Variants in KATNIP observed in about 807,000 individuals in gnomAD.
The protein encoded by KATNIP is katanin interacting protein, also known as katanin-interacting protein.
Under a neutral mutation model 174.0 loss-of-function variants are expected in KATNIP, and 126 were observed. That is an observed-to-expected ratio of 0.72 (90% CI 0.63 to 0.84). The LOEUF is 0.84. Among genes scored for constraint, KATNIP ranks in the 40% least tolerant of loss-of-function variants. The pLI is 0.00. For synonymous variants in KATNIP, 810 were observed against 835.7 expected, an observed-to-expected ratio of 0.97 and a Z score of 0.53; for missense variants, 1,958 against 2,109.7, an observed-to-expected ratio of 0.93 and a Z score of 1.41.
chr16:27,776,862 C>T lies in KATNIP; in HGVS notation c.4450-66C>T. ...GCTCACCCCAGCCCACGCCTGGCAC[C>T]CCCAGCCCAGCCAAGCGCCTCTGTT... is the stretch of plus-strand genomic sequence containing the variant. On this transcript the variant is annotated intron_variant, in intron 24 of 27. Transcript: ENST00000261588. This position sits in a 1 kb window ranked among gnomAD's most constrained non-coding sequence, Gnocchi z 4.7. 4 of 1,217,642 alleles carry T rather than the reference C, an allele frequency of 3.3e-6. No homozygotes were observed. In the Admixed American group the frequency reaches 6.8e-5, roughly 21 times the overall value. 75.4% of individuals were successfully genotyped at this position (1,217,642 alleles called of 1,614,324 possible).
chr16:27,618,285 G>C (rs1261877251), intron 2 of KATNIP, 140 bp from the exon 3 acceptor site: 1 of 633,798 alleles, frequency 1.6e-6, no homozygotes, highest in African/African-American at 1.8e-5. Context: ...GGTCGCTGGA[G>C]CAATGCGCCT....
intron 2 of KATNIP, among the ~76,000 whole-genome samples, chr16:27,578,793 G>A (rs1367364614): frequency 2.0e-5 from 3 of 152,062 alleles, no homozygotes; most frequent in Non-Finnish European, 4.4e-5. Flanking sequence ...AGCCAGTCTG[G>A]CCTCAAACTC....
chr16:27,682,896 A>G (rs1223488960), intron 8 of KATNIP, among the ~76,000 whole-genome samples: 2 of 152,122 alleles, frequency 1.3e-5, no homozygotes, highest in Non-Finnish European at 2.9e-5. Flanking sequence ...TATAGGAAGA[A>G]GAAGAGAGAC....
intron 2 of KATNIP, among the ~76,000 whole-genome samples, chr16:27,617,170 G>A (rs528079160): frequency 6.6e-6 from 1 of 152,222 alleles, no homozygotes; most frequent in South Asian, 2.1e-4. Flanking sequence ...TCTTTTGGCT[G>A]CAAATGACAG....
chr16:27,711,998 C>G (rs889189779), intron 13 of KATNIP, among the ~76,000 whole-genome samples: 1 of 152,194 alleles, frequency 6.6e-6, no homozygotes, highest in Non-Finnish European at 1.5e-5. Context: ...TCCCCTGCCC[C>G]ACTCTTGCAG....
At chr16:27,572,835 C>T (rs761245541) in intron 1 of KATNIP, among the ~76,000 whole-genome samples, 1 of 152,316 alleles carries the variant, frequency 6.6e-6, no homozygotes, top group Middle Eastern at 3.4e-3. Context: ...CCAGTGGCCT[C>T]ATTTCGAAAT....
chr16:27,771,123 G>C (rs575024795), intron 21 of KATNIP, among the ~76,000 whole-genome samples: 58 of 152,316 alleles, frequency 3.8e-4, no homozygotes, highest in Admixed American at 9.1e-4. Flanking sequence ...CGTCCTGGCT[G>C]TCGGCACAGC....
In KATNIP at chr16:27,779,123, C is replaced by T. The variant is rs2082607151; in HGVS notation, c.*494C>T. The stretch of plus-strand genomic sequence containing the variant: ...CTTCAGCGGCCAACACCCCCCATCC[C>T]CTGCGCATCCTTGTCTCATTTGGGG... On this transcript the variant is annotated 3_prime_UTR_variant, in exon 28 of 28. Transcript: ENST00000261588. 1 of 154,250 alleles carries T rather than the reference C, an allele frequency of 6.5e-6. No individual in the cohort carries two copies. Among genetic ancestry groups the T allele is most frequent in the Non-Finnish European group, 1.4e-5 (1 of 69,570 alleles). 9.6% of individuals were successfully genotyped at this position (154,250 alleles called of 1,614,324 possible).
At chr16:27,714,264 T>C (rs1477849143) in intron 13 of KATNIP, among the ~76,000 whole-genome samples, 2 of 152,138 alleles carry the variant, frequency 1.3e-5, no homozygotes, top group Admixed American at 1.3e-4. Context: ...TAAGAAATGA[T>C]CTTGTTTACA....
At chr16:27,720,582 C>T (rs1017462461) in intron 13 of KATNIP, among the ~76,000 whole-genome samples, 14 of 151,600 alleles carry the variant, frequency 9.2e-5, no homozygotes, top group African/African-American at 3.4e-4. Flanking sequence ...GACACAACCC[C>T]TTCCCTTGAG....
In KATNIP at chr16:27,773,195, C is replaced by T. The variant is rs748210388; in HGVS notation, c.4295C>T (p.Pro1432Leu). 6.2e-7 allele frequency: 1 copy of T among 1,608,514 alleles called. No individual in the cohort carries two copies. Among genetic ancestry groups the T allele is most frequent in the African/African-American group, 1.3e-5 (1 of 74,986 alleles). ...TATGACGAGCGAGGAGAAAAAATCC[C>T]CTTGTCGGAAAACAGTATCCTTTGT... ...ELYDERGEKI[P>L]LSENNIAAFP... Residue 1432 changes from proline (P) to leucine (L), a missense_variant, in exon 23 of 28, where the codon CCC (proline) becomes CTC (leucine). By Grantham distance (98) the Pro-to-Leu change is moderately conservative. This residue lies in a region of KATNIP where 383 missense variants were observed against 456.0 expected (regional missense o/e 0.84). Transcript: ENST00000261588.
intron 2 of KATNIP, among the ~76,000 whole-genome samples, chr16:27,608,458 G>A (rs1329254755): frequency 6.9e-6 from 1 of 144,356 alleles, no homozygotes; most frequent in African/African-American, 2.6e-5. Flanking sequence ...TGTTGCCCAG[G>A]CTGATCTCAA....
At chr16:27,720,085 T>C (rs2143015951) in intron 13 of KATNIP, among the ~76,000 whole-genome samples, 1 of 152,328 alleles carries the variant, frequency 6.6e-6, no homozygotes, top group East Asian at 1.9e-4. Context: ...AGACCCAGCT[T>C]ACAGTCTCTT....
chr16:27,709,011 G>A, intron 13 of KATNIP, 91 bp downstream of exon 13: 2 of 1,055,648 alleles, frequency 1.9e-6, no homozygotes, highest in African/African-American at 1.6e-5. Context: ...GGTATGAGTG[G>A]AGGGAGGGGA....
Position 27,703,902 on chromosome 16 carries a change from G to GC in KATNIP, c.1294dup (p.Gln432ProfsTer13). Reference sequence around the variant, plus strand: ...AAACCAAATCCCATTTCAGACAACAGCAGAAGCTTCTGAAAGTCCTCCAGG... The same window carrying GC: ...AAACCAAATCCCATTTCAGACAACAGCCAGAAGCTTCTGAAAGTCCTCCAGG... On this transcript the variant is annotated frameshift_variant, in exon 12 of 28. Coordinates refer to ENST00000261588, the MANE Select transcript of KATNIP (RefSeq NM_015202.5). LOFTEE classifies it high-confidence loss of function. 1 of 1,613,814 alleles carries GC rather than the reference G, an allele frequency of 6.2e-7. No individual in the cohort carries two copies. The highest frequency in any genetic ancestry group is 8.5e-7 in the Non-Finnish European group (1 of 1,179,690).
chr16:27,628,151 A>G (rs1277209674), intron 3 of KATNIP, among the ~76,000 whole-genome samples: 1 of 152,262 alleles, frequency 6.6e-6, no homozygotes, highest in Non-Finnish European at 1.5e-5. Context: ...TCACTGAAGC[A>G]AAACGTTAGC....
chr16:27,555,848 A>G (rs1481496262), intron 1 of KATNIP, among the ~76,000 whole-genome samples: 1 of 151,726 alleles, frequency 6.6e-6, no homozygotes, highest in Non-Finnish European at 1.5e-5. Context: ...AAAAAAAAAA[A>G]AGTTCCTACA....
At chr16:27,607,447 C>G (rs1015765386) in intron 2 of KATNIP, among the ~76,000 whole-genome samples, 1 of 152,114 alleles carries the variant, frequency 6.6e-6, no homozygotes, top group Non-Finnish European at 1.5e-5. Context: ...TAAAGGATGC[C>G]TGAAAAGCTG....
Position 27,749,709 on chromosome 16 carries a change from A to G in KATNIP, c.2749A>G (p.Thr917Ala). Residue 917 changes from threonine (T) to alanine (A), a missense_variant, in exon 16 of 28, where the codon ACG becomes GCG. Transcript: ENST00000261588. ...CTCCCACCGGGGACGCATCTCCAAC[A>G]CGGAGCTCCCGGGGGACATCCTGGA... ...DRSHRGRISN[T>A]ELPGDILDEL... 1 of 1,613,570 alleles carries G rather than the reference A, an allele frequency of 6.2e-7. No homozygotes were observed. The highest frequency in any genetic ancestry group is 8.5e-7 in the Non-Finnish European group (1 of 1,179,802).
Sources: allele counts gnomAD v4.1 joint callset (sites outside exome capture counted in the v4.1 genomes callset), GRCh38; gene constraint gnomAD v4.1.1; regional missense constraint gnomAD v4.1.1; non-coding constraint Gnocchi (gnomAD v3.1); transcripts MANE v1.5; gene names NCBI Gene and HGNC (gene_info 2026-07-23, HGNC 2026-07-21).